EDIL3: variants seen among roughly 807,000 people sequenced by gnomAD.
The protein encoded by EDIL3 is EGF-like repeat and discoidin I-like domain-containing protein 3.
In EDIL3, 37 loss-of-function variants were observed where a neutral mutation model predicts 67.4. That is an observed-to-expected ratio of 0.55 (90% confidence interval 0.42 to 0.72). The LOEUF is 0.72. Ranked by LOEUF, EDIL3 falls within the 30% of genes least tolerant of loss-of-function variation. The pLI is 0.00. For synonymous variants in EDIL3, 195 were observed against 196.3 expected, an observed-to-expected ratio of 0.99 and a Z score of 0.05; for missense variants, 527 against 586.3, an observed-to-expected ratio of 0.90 and a Z score of 1.04.
Position 84,181,764 on chromosome 5 carries a change from G to A in EDIL3, c.227-1243C>T, listed in dbSNP as rs188062395. Among the ~76,000 whole-genome samples the A allele has an allele frequency of 2.3e-4, 35 of 152,118 alleles. 2 individuals carry two copies. Among genetic ancestry groups the A allele is most frequent in the Admixed American group, 2.0e-3 (31 of 15,262 alleles). On this transcript the variant is annotated intron_variant, in intron 3 of 10. Coordinates refer to ENST00000296591, the MANE Select transcript of EDIL3 (RefSeq NM_005711.5). ...TTGAAGGAAGGAAAAGCTCTCCCTG[G>A]GAGATGAAAAAAGACAAAAACAAAA...
At chr5:84,319,935 A>C (rs1459355932) in intron 1 of EDIL3, among the ~76,000 whole-genome samples, 1 of 152,104 alleles carries the variant, frequency 6.6e-6, no homozygotes, top group East Asian at 1.9e-4. Flanking sequence ...TTCACTCATA[A>C]ATGGGAGTTG....
intron 3 of EDIL3, among the ~76,000 whole-genome samples, chr5:84,187,539 G>A (rs1461835159): frequency 6.6e-6 from 1 of 152,042 alleles, no homozygotes; most frequent in Non-Finnish European, 1.5e-5. Context: ...ATGTAGTAAG[G>A]AAATGCCAGT....
intron 4 of EDIL3, 89 bp downstream of exon 4, chr5:84,180,304 T>G (rs538549900): frequency 1.4e-6 from 2 of 1,407,138 alleles, no homozygotes; most frequent in Non-Finnish European, 1.9e-6. Flanking sequence ...GCTCTCAGAT[T>G]CTATGATTCT....
chr5:84,180,532 G>GA lies in EDIL3; in HGVS notation c.227-12dup, dbSNP rs996021192. 1.7e-5 allele frequency: 27 copies of GA among 1,552,260 alleles called. No individual in the cohort carries two copies. The highest frequency in any genetic ancestry group is 9.8e-5 in the African/African-American group (7 of 71,608). ...TAGGAGTGCAGGGACCTGAAAGACA[G>GA]AAAAAAATATTTCTGCTTGATGCAT... On this transcript the variant is annotated splice_polypyrimidine_tract_variant and intron_variant, in intron 3 of 10. Transcript: ENST00000296591.
In EDIL3 at chr5:84,221,857, G is replaced by T. The variant is rs556431690; in HGVS notation, c.226+7998C>A. Among the ~76,000 whole-genome samples the T allele has an allele frequency of 5.3e-5, 8 of 152,092 alleles. No individual in the cohort carries two copies. The South Asian group carries it at 1.7e-3, about 32-fold the overall frequency. On this transcript the variant is annotated intron_variant, in intron 3 of 10. Coordinates refer to ENST00000296591, the MANE Select transcript of EDIL3 (RefSeq NM_005711.5). ...ATATGTATTTATGTATAAAACAAGA[G>T]ATAAATTTGTAGCAAATGTAAGGTA...
intron 3 of EDIL3, among the ~76,000 whole-genome samples, chr5:84,182,014 A>G (rs1749021826): frequency 6.6e-6 from 1 of 152,184 alleles, no homozygotes. Flanking sequence ...TGAAACAAGA[A>G]GCAAGGTAGA....
intron 1 of EDIL3, among the ~76,000 whole-genome samples, chr5:84,368,120 CTTT>C (rs974179528): frequency 3.3e-5 from 5 of 152,044 alleles, no homozygotes; most frequent in Non-Finnish European, 5.9e-5. Context: ...TCAGAGGATG[CTTT>C]TTTACAAAAA....
chr5:84,312,100 T>C (rs777639895), intron 1 of EDIL3, among the ~76,000 whole-genome samples: 2,306 of 151,170 alleles, frequency 0.015, 48 homozygotes, highest in African/African-American at 0.052. Flanking sequence ...GGGTGGTGGC[T>C]GGGCAGCGGG....
At chr5:84,032,658 A>G (rs1388629390) in intron 9 of EDIL3, among the ~76,000 whole-genome samples, 30 of 152,226 alleles carry the variant, frequency 2.0e-4, no homozygotes, top group Admixed American at 2.0e-3. Flanking sequence ...CTGTTCTGAA[A>G]CATCCAGGAA....
chr5:84,001,643 C>T (rs1745333372), intron 9 of EDIL3, among the ~76,000 whole-genome samples: 1 of 151,960 alleles, frequency 6.6e-6, no homozygotes, highest in African/African-American at 2.4e-5. Flanking sequence ...CAAAGGATTA[C>T]TAGAGACCAT....
intron 1 of EDIL3, among the ~76,000 whole-genome samples, chr5:84,274,762 C>T (rs1239836923): frequency 6.9e-6 from 1 of 145,752 alleles, no homozygotes; most frequent in Non-Finnish European, 1.5e-5. Context: ...CACAGACACA[C>T]ACAGACACAC....
At chr5:84,355,388 C>CT (rs1007162720) in intron 1 of EDIL3, among the ~76,000 whole-genome samples, 1 of 151,860 alleles carries the variant, frequency 6.6e-6, no homozygotes, top group Non-Finnish European at 1.5e-5. Flanking sequence ...TTCCTCTAAC[C>CT]TTTTTTAAAG....
intron 10 of EDIL3, among the ~76,000 whole-genome samples, chr5:83,949,172 C>CA (rs1744363855): frequency 2.0e-5 from 3 of 151,632 alleles, no homozygotes; most frequent in Non-Finnish European, 4.4e-5. Context: ...TACAGGGCAG[C>CA]CCAACAACAC....
At chr5:84,075,890 G>A (rs958340230) in intron 6 of EDIL3, among the ~76,000 whole-genome samples, 66 of 144,978 alleles carry the variant, frequency 4.6e-4, no homozygotes, top group Admixed American at 1.9e-3. Context: ...AAGTGTGCAC[G>A]CACACACACA....
chr5:84,048,984 G>A lies in EDIL3; in HGVS notation c.1137+11316C>T, dbSNP rs568371783. Among the ~76,000 whole-genome samples the A allele has an allele frequency of 6.8e-4, 104 of 152,194 alleles. 4 individuals carry two copies. The South Asian group carries it at 0.018, about 27-fold the overall frequency. ...TTCAATTTGTCTAATCTGAGCAGAA[G>A]TAAAAAAGAAATTAATCTTTCTGTT... On this transcript the variant is annotated intron_variant, in intron 9 of 10. Transcript: ENST00000296591.
At chr5:84,235,148 T>C (rs777044156) in intron 2 of EDIL3, among the ~76,000 whole-genome samples, 1 of 152,180 alleles carries the variant, frequency 6.6e-6, no homozygotes, top group African/African-American at 2.4e-5. Context: ...TATTTGTTTA[T>C]CTGTTGTCCT....
At chr5:84,036,149 A>G (rs893177549) in intron 9 of EDIL3, among the ~76,000 whole-genome samples, 3 of 152,196 alleles carry the variant, frequency 2.0e-5, no homozygotes, top group African/African-American at 7.2e-5. Flanking sequence ...AACCTGAATG[A>G]TGATGTGTAA....
At chr5:84,003,925 T>G (rs1390091449) in intron 9 of EDIL3, among the ~76,000 whole-genome samples, 1 of 150,614 alleles carries the variant, frequency 6.6e-6, no homozygotes, top group Non-Finnish European at 1.5e-5. Flanking sequence ...CTTCAAGAGA[T>G]CCATCTCACA....
At chr5:84,310,103 C>G (rs1746354250) in intron 1 of EDIL3, among the ~76,000 whole-genome samples, 2 of 152,164 alleles carry the variant, frequency 1.3e-5, no homozygotes, top group Non-Finnish European at 2.9e-5. Flanking sequence ...AATAACAATT[C>G]TGACAAAGCT....
Sources: allele counts gnomAD v4.1 joint callset (sites outside exome capture counted in the v4.1 genomes callset), GRCh38; gene constraint gnomAD v4.1.1; transcripts MANE v1.5; gene names NCBI Gene and HGNC (gene_info 2026-07-23, HGNC 2026-07-21).